Variants in PCNX2 observed in about 807,000 individuals in gnomAD.
PCNX2 encodes pecanex 2, also known as pecanex-like protein 2.
Under a neutral mutation model 223.8 loss-of-function variants are expected in PCNX2, and 168 were observed. The ratio of observed to expected loss-of-function variants is 0.75; its 90% CI spans 0.66 to 0.85. The LOEUF (loss-of-function observed/expected upper bound fraction) is 0.85, where lower values mean the gene tolerates loss of function less well. PCNX2 is among the 40% of genes least tolerant of loss of function. The pLI is 0.00. For synonymous variants in PCNX2, 1,006 were observed against 1,052.6 expected (o/e 0.96, Z 0.86); for missense variants, 2,507 against 2,675.5 (o/e 0.94, Z 1.39).
chr1:233,277,412 C>T (rs1660971521), intron 1 of PCNX2, among the ~76,000 whole-genome samples: 1 of 152,212 alleles, frequency 6.6e-6, no homozygotes, highest in Non-Finnish European at 1.5e-5. Context: ...TTTTCATTGT[C>T]AAGACCCCTT....
upstream of PCNX2, among the ~76,000 whole-genome samples, chr1:233,298,957 T>G (rs922400461): frequency 2.0e-5 from 3 of 152,222 alleles, no homozygotes; most frequent in Non-Finnish European, 4.4e-5. Flanking sequence ...GGCATCATTA[T>G]AGCTTTCACT....
intron 24 of PCNX2, among the ~76,000 whole-genome samples, chr1:233,055,498 C>G (rs1006202739): frequency 6.6e-6 from 1 of 151,954 alleles, no homozygotes; most frequent in Non-Finnish European, 1.5e-5. Flanking sequence ...GACTCTTTTC[C>G]CTCCTTTCAT....
chr1:233,278,125 G>A (rs1205606076), intron 1 of PCNX2, among the ~76,000 whole-genome samples: 5 of 152,106 alleles, frequency 3.3e-5, no homozygotes, highest in African/African-American at 7.2e-5. Flanking sequence ...TAAACTCCCC[G>A]AGTCTACTCT....
chr1:233,255,367 G>A (rs1045630619), intron 5 of PCNX2, among the ~76,000 whole-genome samples: 1 of 152,136 alleles, frequency 6.6e-6, no homozygotes, highest in African/African-American at 2.4e-5. Context: ...GGGCACATCC[G>A]AAGCCTTTCC....
At chr1:233,043,237 A>C (rs1208631639) in intron 25 of PCNX2, among the ~76,000 whole-genome samples, 1 of 152,186 alleles carries the variant, frequency 6.6e-6, no homozygotes, top group Non-Finnish European at 1.5e-5. Flanking sequence ...AAAGAAGAGC[A>C]GAAATGGATA....
chr1:233,119,675 T>A (rs1204740327), intron 21 of PCNX2, among the ~76,000 whole-genome samples: 1 of 151,608 alleles, frequency 6.6e-6, no homozygotes, highest in East Asian at 1.9e-4. Context: ...GGAGAAAATC[T>A]TGGGGTCTAG....
chr1:233,269,213 A>C (rs1449071586), intron 1 of PCNX2, among the ~76,000 whole-genome samples: 5 of 152,170 alleles, frequency 3.3e-5, no homozygotes, highest in Admixed American at 6.5e-5. Context: ...AAAGTTCTTG[A>C]ACTTAACTGG....
At position 233,258,162 on chromosome 1, in the gene PCNX2, TC is replaced by T; in HGVS notation, c.1699del (p.Glu567LysfsTer17). Reference protein sequence around the residue: ...PTSKSDLEAKEGQMPNESNFL... With the variant: ...PTSKSDLEAKXGQMPNESNFL... The stretch of plus-strand genomic sequence containing the variant: ...GTTGGACTCATTTGGCATTTGTCCT[TC>T]CTTAGCCTCTAGGTCAGATTTGGAA... On this transcript the variant is annotated frameshift_variant, in exon 5 of 34. Transcript: ENST00000258229. LOFTEE classifies it high-confidence loss of function. The T allele has an allele frequency of 6.2e-7, 1 of 1,613,976 alleles. No individual in the cohort carries two copies. Among genetic ancestry groups the T allele is most frequent in the Non-Finnish European group, 8.5e-7 (1 of 1,179,868 alleles).
In PCNX2 at chr1:233,074,155, G is replaced by A. The variant is rs114095125; in HGVS notation, c.4076+15906C>T. ...TTTTCTATTTTATTCTATTGTGGCC[G>A]GAGAACATTCTTTGTATAATTTCAG... On this transcript the variant is annotated intron_variant, in intron 23 of 33. Coordinates refer to ENST00000258229, the MANE Select transcript of PCNX2 (RefSeq NM_014801.4). 7.5e-3 allele frequency among the ~76,000 whole-genome samples: 1,137 copies of A among 151,990 alleles called. 14 individuals carry two copies. The highest frequency in any genetic ancestry group is 0.026 in the African/African-American group (1,066 of 41,446).
the PCNX2 span, among the ~76,000 whole-genome samples, chr1:233,304,421 G>A: frequency 6.6e-5 from 10 of 152,316 alleles, no homozygotes; most frequent in South Asian, 2.1e-4. Flanking sequence ...CTATGTTAAT[G>A]AGGAAATGCC....
At chr1:233,298,710 G>A (rs1662210327), upstream of PCNX2, among the ~76,000 whole-genome samples, 1 of 152,092 alleles carries the variant, frequency 6.6e-6, no homozygotes, top group African/African-American at 2.4e-5. Context: ...CCAACATGAT[G>A]AAACCCCATC....
chr1:233,159,724 T>G (rs1003734328), intron 19 of PCNX2, among the ~76,000 whole-genome samples: 13 of 152,242 alleles, frequency 8.5e-5, no homozygotes, highest in African/African-American at 2.9e-4. Flanking sequence ...TGGTTGTGAT[T>G]ACCAGGCTAT....
rs577835861 is a variant in PCNX2 at position 233,021,218 on chromosome 1, C to A, written c.4605+3928G>T. On this transcript the variant is annotated intron_variant, in intron 26 of 33. Coordinates refer to ENST00000258229, the MANE Select transcript of PCNX2 (RefSeq NM_014801.4). The stretch of plus-strand genomic sequence containing the variant: ...AGGCAACCTCGCAGGATAGGCCTGG[C>A]AGTACCAATGTGAATTAAACACGGG... Among the ~76,000 whole-genome samples the A allele has an allele frequency of 1.4e-4, 22 of 152,276 alleles. No homozygotes were observed. In the East Asian group the frequency reaches 4.3e-3, roughly 30 times the overall value.
chr1:233,264,438 C>T (rs1048939086), intron 1 of PCNX2, among the ~76,000 whole-genome samples: 1 of 152,166 alleles, frequency 6.6e-6, no homozygotes, highest in African/African-American at 2.4e-5. Context: ...CCTAAGCAGA[C>T]CCTGTACAGC....
intron 1 of PCNX2, among the ~76,000 whole-genome samples, chr1:233,264,582 C>A (rs959194536): frequency 1.3e-5 from 2 of 152,146 alleles, no homozygotes; most frequent in Admixed American, 1.3e-4. Flanking sequence ...TTCACCATCA[C>A]TTAACTCGCT....
At chr1:233,226,631 C>G (rs1326212992) in intron 10 of PCNX2, among the ~76,000 whole-genome samples, 1 of 152,184 alleles carries the variant, frequency 6.6e-6, no homozygotes, top group East Asian at 1.9e-4. Context: ...GTAACCACAG[C>G]TCCAACCCCA....
intron 10 of PCNX2, among the ~76,000 whole-genome samples, chr1:233,220,577 A>G (rs750684388): frequency 5.3e-5 from 8 of 151,900 alleles, no homozygotes; most frequent in Non-Finnish European, 7.4e-5. Flanking sequence ...TGTCATCTGT[A>G]TATCTTCTTG....
At chr1:233,033,652 T>C (rs1227056754) in intron 25 of PCNX2, among the ~76,000 whole-genome samples, 1 of 152,240 alleles carries the variant, frequency 6.6e-6, no homozygotes, top group Non-Finnish European at 1.5e-5. Context: ...GCTGTTTTAA[T>C]ATTTCACGGT....
intron 21 of PCNX2, among the ~76,000 whole-genome samples, chr1:233,114,332 C>T (rs1316298371): frequency 6.6e-6 from 1 of 152,124 alleles, no homozygotes; most frequent in Non-Finnish European, 1.5e-5. Flanking sequence ...CGTGGAGTCT[C>T]CAGTGGCAGC....
Sources: allele counts gnomAD v4.1 joint callset (sites outside exome capture counted in the v4.1 genomes callset), GRCh38; gene constraint gnomAD v4.1.1; transcripts MANE v1.5; gene names NCBI Gene and HGNC (gene_info 2026-07-23, HGNC 2026-07-21).